Variants in CACNA1C observed in about 807,000 individuals in gnomAD.
CACNA1C encodes the protein voltage-dependent L-type calcium channel subunit alpha-1C.
CACNA1C carries 30 observed loss-of-function variants against 229.0 expected under a neutral mutation model. The observed-to-expected ratio is 0.13, with a 90% CI of 0.10 to 0.18. The LOEUF is 0.18. Among genes scored for constraint, CACNA1C ranks in the 10% least tolerant of loss-of-function variants. The pLI, the probability that CACNA1C is intolerant of heterozygous loss-of-function variation, is 1.00. For missense variants in CACNA1C, 1,658 were observed against 2,845.0 expected (o/e 0.58, Z 9.49); for synonymous variants, 1,114 against 1,132.5 (o/e 0.98, Z 0.33).
intron 5 of CACNA1C, among the ~76,000 whole-genome samples, chr12:2,466,621 A>G (rs2099552632): frequency 6.6e-6 from 1 of 152,056 alleles, no homozygotes; most frequent in Non-Finnish European, 1.5e-5. Flanking sequence ...GGTTGATGTG[A>G]TTTAACACTG....
At chr12:2,350,668 A>T (rs2097179097) in intron 3 of CACNA1C, among the ~76,000 whole-genome samples, 3 of 152,218 alleles carry the variant, frequency 2.0e-5, no homozygotes, top group African/African-American at 7.2e-5. Context: ...TCATATGGGC[A>T]GCAGAGGCTG....
intron 3 of CACNA1C, among the ~76,000 whole-genome samples, chr12:2,186,990 G>A (rs907546603): frequency 1.5e-4 from 23 of 152,006 alleles, no homozygotes; most frequent in Admixed American, 3.3e-4. Context: ...GAGCACACCC[G>A]ACCCCTTTCC....
intron 3 of CACNA1C, among the ~76,000 whole-genome samples, chr12:2,286,060 A>G (rs1429522706): frequency 6.6e-6 from 1 of 152,140 alleles, no homozygotes; most frequent in Non-Finnish European, 1.5e-5. Context: ...GTTTAAAGGG[A>G]TGTTGCCTCG....
At chr12:2,551,436 T>C (rs1167809153) in intron 10 of CACNA1C, among the ~76,000 whole-genome samples, 3 of 152,168 alleles carry the variant, frequency 2.0e-5, no homozygotes, top group Admixed American at 6.5e-5. Flanking sequence ...GTTATCCCCA[T>C]GTTTAGCCAC....
rs1011908806 is a variant in CACNA1C at position 2,181,752 on chromosome 12, C to G, written c.477+61322C>G. ...TCATTACTGAATCCTCACAATAACC[C>G]CATGGGGTAGATATTACTGTTATTA... On this transcript the variant is annotated intron_variant, in intron 3 of 46. Transcript: ENST00000399655. This position sits in a 1 kb window ranked among gnomAD's most constrained non-coding sequence, Gnocchi z 4.0. Among the ~76,000 whole-genome samples the G allele has an allele frequency of 3.9e-5, 6 of 151,950 alleles. No homozygotes were observed. Among genetic ancestry groups the G allele is most frequent in the African/African-American group, 1.5e-4 (6 of 41,336 alleles).
chr12:2,148,809 T>G (rs1363280862), intron 3 of CACNA1C, among the ~76,000 whole-genome samples: 1 of 141,038 alleles, frequency 7.1e-6, no homozygotes, highest in Non-Finnish European at 1.6e-5. Flanking sequence ...ACCTCCAAAG[T>G]ACCCTCCCTC....
At chr12:2,588,746 G>T (rs1371019189) in intron 18 of CACNA1C, among the ~76,000 whole-genome samples, 1 of 152,168 alleles carries the variant, frequency 6.6e-6, no homozygotes, top group African/African-American at 2.4e-5. Context: ...TCACTGAAAA[G>T]GAAAGCATTG....
At chr12:2,139,481 G>GT (rs148714234) in intron 3 of CACNA1C, among the ~76,000 whole-genome samples, 5,875 of 151,326 alleles carry the variant, frequency 0.039, 341 homozygotes, top group African/African-American at 0.11. Flanking sequence ...ATCCAGTGCA[G>GT]TACCTGGAGT....
intron 3 of CACNA1C, among the ~76,000 whole-genome samples, chr12:2,400,964 TTTCTCCCAAGTCCCC>T (rs200773239): frequency 0.015 from 2,307 of 152,070 alleles, 53 homozygotes; most frequent in African/African-American, 0.047. Flanking sequence ...CTCTGAGCCT[TTTCTCCCAAGTCCCC>T]TTCTCCCAAG....
At chr12:2,082,651 T>C (rs1323330980) in intron 1 of CACNA1C, among the ~76,000 whole-genome samples, 1 of 152,164 alleles carries the variant, frequency 6.6e-6, no homozygotes, top group Non-Finnish European at 1.5e-5. Context: ...CACCTCATTC[T>C]AGACTGTGGA....
chr12:2,310,288 T>TTCCC (rs2095351676), intron 3 of CACNA1C, among the ~76,000 whole-genome samples: 1 of 151,464 alleles, frequency 6.6e-6, no homozygotes, highest in Non-Finnish European at 1.5e-5. Flanking sequence ...TTCCCTTCAG[T>TTCCC]TCCCTCAACA....
In CACNA1C at chr12:2,605,208, A is replaced by G. The variant is rs1318723125; in HGVS notation, c.3048+40A>G. On this transcript the variant is annotated intron_variant, in intron 23 of 46. Coordinates refer to ENST00000399655, the MANE Select transcript of CACNA1C (RefSeq NM_000719.7). This position sits in a 1 kb window ranked among gnomAD's most constrained non-coding sequence, Gnocchi z 6.2. ...TGGGTAGGGAGTCTCCAGCCAGCCC[A>G]TTGGGGAGTGGGAGCTCCACAGAGG... is the stretch of plus-strand genomic sequence containing the variant. 2 of 1,383,266 alleles carry G rather than the reference A, an allele frequency of 1.4e-6. No homozygotes were observed. Among genetic ancestry groups the G allele is most frequent in the Non-Finnish European group, 2.1e-6 (2 of 970,350 alleles). The allele number at this position is 1,383,266 out of a possible 1,614,324, so 85.7% of individuals were successfully genotyped here.
intron 3 of CACNA1C, among the ~76,000 whole-genome samples, chr12:2,153,836 A>G (rs951996184): frequency 2.6e-5 from 4 of 152,208 alleles, no homozygotes; most frequent in African/African-American, 7.2e-5. Context: ...TAATAAGATA[A>G]TTGGAAGGTA....
At chr12:2,232,894 C>A (rs1047316264) in intron 3 of CACNA1C, among the ~76,000 whole-genome samples, 1 of 152,090 alleles carries the variant, frequency 6.6e-6, no homozygotes, top group Non-Finnish European at 1.5e-5. Context: ...CCATTGGGAG[C>A]GCTTTCTGGT....
intron 1 of CACNA1C, among the ~76,000 whole-genome samples, chr12:1,977,664 T>C (rs572156713): frequency 6.6e-6 from 1 of 152,354 alleles, no homozygotes; most frequent in South Asian, 2.1e-4. Flanking sequence ...TTATTATCCA[T>C]ACCACTGCCT....
chr12:2,043,071 A>G (rs985098650), intron 1 of CACNA1C, among the ~76,000 whole-genome samples: 3 of 152,232 alleles, frequency 2.0e-5, no homozygotes, highest in Admixed American at 2.0e-4. Context: ...TAGAACTATT[A>G]TGTGCTACAT....
intron 3 of CACNA1C, among the ~76,000 whole-genome samples, chr12:2,423,077 C>T (rs1270584655): frequency 2.0e-5 from 3 of 152,150 alleles, no homozygotes. Flanking sequence ...TTTCCCACTC[C>T]CTCCATCTAG....
intron 13 of CACNA1C, among the ~76,000 whole-genome samples, chr12:2,569,488 C>T (rs963838592): frequency 5.3e-5 from 8 of 152,160 alleles, no homozygotes; most frequent in Non-Finnish European, 1.2e-4. Context: ...CAACCAAATT[C>T]ACTTTATGTC....
At chr12:1,996,616 TAAAAAAAAAAAAAA>T (rs78563698) in intron 1 of CACNA1C, among the ~76,000 whole-genome samples, 20 of 18,842 alleles carry the variant, frequency 1.1e-3, no homozygotes, top group Admixed American at 3.3e-3. Flanking sequence ...GCTGATGAGC[TAAAAAAAAAAAAAA>T]AAAAAAAAAA....
Sources: gnomAD v4.1 joint callset for allele counts (sites outside exome capture counted in the v4.1 genomes callset) on GRCh38, gnomAD v4.1.1 for gene constraint, Gnocchi (gnomAD v3.1) non-coding constraint, MANE v1.5 for transcripts, NCBI Gene and HGNC (gene_info 2026-07-23, HGNC 2026-07-21) for gene names.